GOLPH3: variants seen among roughly 807,000 people sequenced by gnomAD.
GOLPH3 encodes coat protein GPP34.
GOLPH3 carries 14 observed loss-of-function variants against 28.5 expected under a neutral mutation model. That is an observed-to-expected ratio of 0.49 (90% CI 0.32 to 0.77). The LOEUF is 0.77. GOLPH3 is among the 30% of genes least tolerant of loss of function. GOLPH3 has a pLI of 0.03. For synonymous variants in GOLPH3, 158 were observed against 159.2 expected (o/e 0.99, Z 0.06); for missense variants, 350 against 393.7 (o/e 0.89, Z 0.94).
rs893830902 is a variant in GOLPH3, at chr5:32,174,205, A to C, written c.-171T>G. ...GTCATGAGGAAACAGGTCAGGGCGA[A>C]GCGGGCTGGCCGGGCGTCGGCGGGG... On this transcript the variant is annotated 5_prime_UTR_variant, in exon 1 of 4. Coordinates refer to ENST00000265070, the MANE Select transcript of GOLPH3 (RefSeq NM_022130.4). 7.5e-6 allele frequency: 3 copies of C among 399,164 alleles called. No individual in the cohort carries two copies. The highest frequency in any genetic ancestry group is 1.3e-5 in the Non-Finnish European group (3 of 233,154). The allele number at this position is 399,164 out of a possible 1,614,324, so 24.7% of individuals were successfully genotyped here.
At chr5:32,133,421 T>C (rs1275463499) in intron 3 of GOLPH3, among the ~76,000 whole-genome samples, 2 of 152,220 alleles carry the variant, frequency 1.3e-5, no homozygotes, top group East Asian at 3.8e-4. Flanking sequence ...ACCCTTCTTT[T>C]GGTCAGCTGG....
At position 32,126,283 on chromosome 5, in the gene GOLPH3, G is replaced by A. The variant is rs1195627131; in HGVS notation, c.826C>T (p.Pro276Ser). The A allele has an allele frequency of 6.2e-7, 1 of 1,614,032 alleles. No individual in the cohort carries two copies. Among genetic ancestry groups the A allele is most frequent in the Non-Finnish European group, 8.5e-7 (1 of 1,180,012 alleles). ...KRVRQLLDLD[P>S]EVECLKANTN... ...TTGGCCTTCAGACATTCCACTTCAG[G>A]GTCTAAGTCGAGAAGCTGCCGCACT... Residue 276 changes from proline (P) to serine (S), a missense_variant, in exon 4 of 4, where the codon CCT (proline) becomes TCT (serine). By Grantham distance (74) the Pro-to-Ser change is moderately conservative (BLOSUM62 -1). Transcript: ENST00000265070.
chr5:32,158,123 TAAATAAAATAC>T lies in GOLPH3; in HGVS notation c.226-14254_226-14244del, dbSNP rs1561679135. Reference sequence around the variant, plus strand: ...ATAAATAAATAAATAAATAAATAAATAAATAAAATACACACACACACACACACACACACACA... The same window carrying T: ...ATAAATAAATAAATAAATAAATAAATACACACACACACACACACACACACA... On this transcript the variant is annotated intron_variant, in intron 1 of 3. Coordinates refer to ENST00000265070, the MANE Select transcript of GOLPH3 (RefSeq NM_022130.4). Among the ~76,000 whole-genome samples, 22 of 86,670 alleles carry T rather than the reference TAAATAAAATAC, an allele frequency of 2.5e-4. 1 individual carries two copies. The highest frequency in any genetic ancestry group is 9.1e-4 in the African/African-American group (18 of 19,724). 56.9% of individuals were successfully genotyped at this position (86,670 alleles called of 152,430 possible). A position where few individuals can be genotyped will look rare whatever the true frequency, so the allele number is the denominator to read the frequency against.
rs139074930 is a variant in GOLPH3 at position 32,167,969 on chromosome 5, C to T, written c.225+5841G>A. 1.5e-3 allele frequency among the ~76,000 whole-genome samples: 224 copies of T among 152,092 alleles called. 1 individual carries two copies. The highest frequency in any genetic ancestry group is 5.1e-3 in the African/African-American group (211 of 41,496). On this transcript the variant is annotated intron_variant, in intron 1 of 3. Transcript: ENST00000265070. ...GCCCTGTCTCAAAAGAAAAAAAGTACAATCAAATAGTTTAATGAACTTCAA... is the reference window on the plus strand; with the variant it reads ...GCCCTGTCTCAAAAGAAAAAAAGTATAATCAAATAGTTTAATGAACTTCAA...
chr5:32,168,983 C>CAA (rs762907053), intron 1 of GOLPH3, among the ~76,000 whole-genome samples: 2 of 141,240 alleles, frequency 1.4e-5, no homozygotes, highest in African/African-American at 2.6e-5. Context: ...AACACAACAA[C>CAA]AAAAAAAAAA....
rs768735844 is a variant in GOLPH3 at position 32,126,420 on chromosome 5, T to A, written c.689A>T (p.His230Leu). The change falls in exon 4 of 4, where the codon CAC becomes CTC. Residue 230 changes from histidine (H) to leucine (L), a missense_variant. Coordinates refer to ENST00000265070, the MANE Select transcript of GOLPH3 (RefSeq NM_022130.4). ...GGCCAGCAAGCGCCTGTCCATGCGGTGAGGGTCATTCACCCATTTGTCAAG... is the reference window on the plus strand; with the variant it reads ...GGCCAGCAAGCGCCTGTCCATGCGGAGAGGGTCATTCACCCATTTGTCAAG... ...AVLDKWVNDP[H>L]RMDRRLLALI... is the part of the protein sequence containing the mutation. 5 of 1,614,194 alleles carry A rather than the reference T, an allele frequency of 3.1e-6. No homozygotes were observed. In the South Asian group the frequency reaches 5.5e-5, roughly 18 times the overall value.
chr5:32,153,359 G>C (rs1203428930), intron 1 of GOLPH3, among the ~76,000 whole-genome samples: 1 of 148,198 alleles, frequency 6.7e-6, no homozygotes, highest in African/African-American at 2.5e-5. Flanking sequence ...TGAGGTAGAA[G>C]AAAGATGGAA....
chr5:32,167,771 C>T (rs1746748669), intron 1 of GOLPH3, among the ~76,000 whole-genome samples: 1 of 151,960 alleles, frequency 6.6e-6, no homozygotes, highest in Non-Finnish European at 1.5e-5. Flanking sequence ...CATAGTGAGA[C>T]CACGTCTCTA....
intron 3 of GOLPH3, among the ~76,000 whole-genome samples, chr5:32,127,853 T>G (rs991044760): frequency 6.6e-6 from 1 of 152,168 alleles, no homozygotes; most frequent in Admixed American, 6.5e-5. Flanking sequence ...CAGACACTAG[T>G]CAAAAGCAGC....
intron 1 of GOLPH3, among the ~76,000 whole-genome samples, chr5:32,156,839 C>G (rs1746441062): frequency 6.6e-6 from 1 of 152,220 alleles, no homozygotes; most frequent in African/African-American, 2.4e-5. Context: ...GCTGTGCAAC[C>G]TAGTTCCTAA....
intron 1 of GOLPH3, among the ~76,000 whole-genome samples, chr5:32,147,229 C>CA (rs902647823): frequency 2.8e-4 from 42 of 150,864 alleles, no homozygotes; most frequent in African/African-American, 8.5e-4. Context: ...AATCTAAAAG[C>CA]AAAAAAAAGG....
At chr5:32,153,349 T>C (rs143954784) in intron 1 of GOLPH3, among the ~76,000 whole-genome samples, 197 of 150,298 alleles carry the variant, frequency 1.3e-3, no homozygotes, top group African/African-American at 4.5e-3. Context: ...AAGGAAAGAA[T>C]GAGGTAGAAG....
chr5:32,173,780 CG>C, intron 1 of GOLPH3, 29 bp downstream of exon 1: 1 of 1,323,300 alleles, frequency 7.6e-7, no homozygotes, highest in Non-Finnish European at 9.6e-7. Flanking sequence ...CCCGCGCCGC[CG>C]CCCCCCGCCC....
chr5:32,151,455 A>G (rs575511524), intron 1 of GOLPH3, among the ~76,000 whole-genome samples: 5 of 152,288 alleles, frequency 3.3e-5, no homozygotes, highest in Admixed American at 2.6e-4. Context: ...GGCTGCAATG[A>G]GCTATAATTG....
chr5:32,163,954 A>T (rs1263242016), intron 1 of GOLPH3, among the ~76,000 whole-genome samples: 6 of 152,212 alleles, frequency 3.9e-5, no homozygotes, highest in African/African-American at 1.4e-4. Flanking sequence ...ATGAAACCAG[A>T]GTAAAAATAA....
In GOLPH3 at chr5:32,137,545, G is replaced by A. The variant is rs1432966498; in HGVS notation, c.358-1859C>T. 7.2e-5 allele frequency among the ~76,000 whole-genome samples: 11 copies of A among 152,128 alleles called. No individual in the cohort carries two copies. In the East Asian group the frequency reaches 1.8e-3, roughly 25 times the overall value. On this transcript the variant is annotated intron_variant, in intron 2 of 3. Coordinates refer to ENST00000265070, the MANE Select transcript of GOLPH3 (RefSeq NM_022130.4). ...GTGGTGGCGCATGCCTGTAAACCCAGCTACTTGGGAGGCTGAGGCAGGAGA... is the reference window on the plus strand; with the variant it reads ...GTGGTGGCGCATGCCTGTAAACCCAACTACTTGGGAGGCTGAGGCAGGAGA...
chr5:32,146,126 C>CA (rs1746176625), intron 1 of GOLPH3, among the ~76,000 whole-genome samples: 1 of 151,856 alleles, frequency 6.6e-6, no homozygotes, highest in Admixed American at 6.6e-5. Context: ...CCCATCTCTA[C>CA]AAAAAATACA....
chr5:32,126,359 C>A lies in GOLPH3; in HGVS notation c.750G>T (p.Glu250Asp), dbSNP rs761618824. The stretch of plus-strand genomic sequence containing the variant: ...CGTCCAGAAGAGGAGCAAAAGCATT[C>A]TCCAGGACGTCCGAGGCATGAGCCA... ...IYLAHASDVL[E>D]NAFAPLLDEQ... The change falls in exon 4 of 4, where the codon GAG becomes GAT. Residue 250 changes from glutamate (E) to aspartate (D), a missense_variant. Physicochemically the swap from Glu to Asp is conservative, Grantham distance 45. Coordinates refer to ENST00000265070, the MANE Select transcript of GOLPH3 (RefSeq NM_022130.4). 1.2e-6 allele frequency: 2 copies of A among 1,614,198 alleles called. No homozygotes were observed. Among genetic ancestry groups the A allele is most frequent in the Non-Finnish European group, 1.7e-6 (2 of 1,180,046 alleles).
At chr5:32,168,217 T>A (rs1331350558) in intron 1 of GOLPH3, among the ~76,000 whole-genome samples, 1 of 152,200 alleles carries the variant, frequency 6.6e-6, no homozygotes, top group Admixed American at 6.5e-5. Flanking sequence ...ATTTACAGAT[T>A]TGATATGTAG....
Sources: gnomAD v4.1 joint callset for allele counts (sites outside exome capture counted in the v4.1 genomes callset) on GRCh38, gnomAD v4.1.1 for gene constraint, MANE v1.5 for transcripts, NCBI Gene and HGNC (gene_info 2026-07-23, HGNC 2026-07-21) for gene names.